The following ZBTB20 variants were observed in gnomAD, a reference collection of about 807,000 sequenced individuals.
ZBTB20 encodes the protein zinc finger and BTB domain containing 20, also known as zinc finger and BTB domain-containing protein 20.
Under a neutral mutation model 56.9 loss-of-function variants are expected in ZBTB20, and 9 were observed. That is an observed-to-expected ratio of 0.16 (90% CI 0.10 to 0.28). The LOEUF is 0.28. ZBTB20 is among the 10% of genes least tolerant of loss of function. The pLI, the probability that ZBTB20 is intolerant of heterozygous loss-of-function variation, is 1.00. For missense variants in ZBTB20, 655 were observed against 1,003.0 expected (o/e 0.65, Z 4.69); for synonymous variants, 417 against 420.7 (o/e 0.99, Z 0.11).
intron 7 of ZBTB20, among the ~76,000 whole-genome samples, chr3:114,497,060 T>A (rs1347402398): frequency 6.6e-6 from 1 of 152,150 alleles, no homozygotes; most frequent in Non-Finnish European, 1.5e-5. Flanking sequence ...CTCCACACAA[T>A]GTTTCAGCCT....
chr3:114,451,999 C>G (rs1368520550), intron 7 of ZBTB20, among the ~76,000 whole-genome samples: 2 of 151,944 alleles, frequency 1.3e-5, no homozygotes, highest in Non-Finnish European at 2.9e-5. Context: ...TCAGTAACAG[C>G]CTGTTATCCC....
At chr3:114,969,249 G>C (rs986071064) in intron 3 of ZBTB20, among the ~76,000 whole-genome samples, 1 of 152,156 alleles carries the variant, frequency 6.6e-6, no homozygotes, top group African/African-American at 2.4e-5. Flanking sequence ...GGGGTTGACA[G>C]AAGAAAGGAG....
At position 114,317,820 on chromosome 3, in the gene ZBTB20, T is replaced by A. The variant is rs1430105200; in HGVS notation, c.*21185A>T. On this transcript the variant is annotated 3_prime_UTR_variant, in exon 12 of 12. Coordinates refer to ENST00000675478, the MANE Select transcript of ZBTB20 (RefSeq NM_001348800.3). ...AAGTTTGTGTGTGTGTGTGCTCGCA[T>A]ACATGAAACGCGAGTCCAAGGGGCC... The A allele has an allele frequency of 6.6e-6, 1 of 152,122 alleles. No homozygotes were observed. The highest frequency in any genetic ancestry group is 2.4e-5 in the African/African-American group (1 of 41,410). The allele number at this position is 152,122 out of a possible 1,614,324, so 9.4% of individuals were successfully genotyped here. A position where few individuals can be genotyped will look rare whatever the true frequency, so the allele number is the denominator to read the frequency against.
intron 6 of ZBTB20, among the ~76,000 whole-genome samples, chr3:114,632,717 C>A (rs577780724): frequency 6.6e-6 from 1 of 152,080 alleles, no homozygotes; most frequent in Non-Finnish European, 1.5e-5. Context: ...TTAATAATAT[C>A]TTCAATCTAT....
chr3:114,979,433 T>C (rs1267590535), intron 2 of ZBTB20, among the ~76,000 whole-genome samples: 1 of 151,976 alleles, frequency 6.6e-6, no homozygotes, highest in Non-Finnish European at 1.5e-5. Context: ...ATATAAGAAA[T>C]TTTCAATCCA....
At chr3:114,764,788 A>G (rs573532654) in intron 5 of ZBTB20, among the ~76,000 whole-genome samples, 12 of 152,308 alleles carry the variant, frequency 7.9e-5, no homozygotes, top group African/African-American at 2.6e-4. Flanking sequence ...GCAATCTTAT[A>G]TTCATTTATA....
intron 1 of ZBTB20, among the ~76,000 whole-genome samples, chr3:115,119,424 T>C (rs545676794): frequency 6.6e-6 from 1 of 152,312 alleles, no homozygotes; most frequent in African/African-American, 2.4e-5. Flanking sequence ...GTTGCTAAAA[T>C]TTATCAGGCA....
chr3:114,510,085 C>T (rs1181862338), intron 6 of ZBTB20, among the ~76,000 whole-genome samples: 4 of 152,152 alleles, frequency 2.6e-5, no homozygotes, highest in Admixed American at 6.6e-5. Flanking sequence ...TTCACCCATA[C>T]TTTGGGGAAG....
chr3:114,435,918 G>A (rs2090482162), intron 7 of ZBTB20, among the ~76,000 whole-genome samples: 1 of 152,116 alleles, frequency 6.6e-6, no homozygotes, highest in Non-Finnish European at 1.5e-5. Context: ...ACTGACTAAT[G>A]TTACCAGCTG....
At position 114,339,124 on chromosome 3, in the gene ZBTB20, G is replaced by C. The variant is rs762270368; in HGVS notation, c.2107C>G (p.Pro703Ala). Residue 703 changes from proline (P) to alanine (A), a missense_variant, in exon 12 of 12, where the codon CCC becomes GCC. Transcript: ENST00000675478. This position sits in a 1 kb window ranked among gnomAD's most constrained non-coding sequence, Gnocchi z 4.2. ...TCCGTGCAGGCCACCACGCCTGGGG[G>C]GCCAGCGCGGGCACCTGGGGGTGTG... ...AGTPPGARAGPPGVVACTEGT... is the reference protein window; with the variant it reads ...AGTPPGARAGAPGVVACTEGT... 5 of 1,610,978 alleles carry C rather than the reference G, an allele frequency of 3.1e-6. No homozygotes were observed. The African/African-American group carries it at 6.7e-5, about 22-fold the overall frequency.
intron 7 of ZBTB20, among the ~76,000 whole-genome samples, chr3:114,389,444 A>T (rs1302921523): frequency 1.3e-5 from 2 of 151,562 alleles, no homozygotes; most frequent in African/African-American, 4.8e-5. Context: ...CAACCTTCCC[A>T]CAGTTGATTC....
chr3:114,592,582 A>G (rs1169889012), intron 6 of ZBTB20, among the ~76,000 whole-genome samples: 1 of 152,246 alleles, frequency 6.6e-6, no homozygotes, highest in East Asian at 1.9e-4. Flanking sequence ...GAACTCAAGT[A>G]TAATGGCAAT....
chr3:115,008,745 A>AT (rs1308189056), intron 2 of ZBTB20, among the ~76,000 whole-genome samples: 1 of 151,816 alleles, frequency 6.6e-6, no homozygotes, highest in Non-Finnish European at 1.5e-5. Flanking sequence ...AATGGCAAAC[A>AT]TTTTTTCTTG....
In ZBTB20 at chr3:114,333,444, A is replaced by G. The variant is rs2079336904; in HGVS notation, c.*5561T>C. 6.6e-6 allele frequency: 1 copy of G among 152,186 alleles called. No individual in the cohort carries two copies. The highest frequency in any genetic ancestry group is 1.5e-5 in the Non-Finnish European group (1 of 68,054). The allele number at this position is 152,186 out of a possible 1,614,324, so 9.4% of individuals were successfully genotyped here. A position where few individuals can be genotyped will look rare whatever the true frequency, so the allele number is the denominator to read the frequency against. The stretch of plus-strand genomic sequence containing the variant: ...AGCCGTTTTCTTCATGAAAACACAA[A>G]GAGGGGAAAGAGGCTGCTGCTGTTC... On this transcript the variant is annotated 3_prime_UTR_variant, in exon 12 of 12. Coordinates refer to ENST00000675478, the MANE Select transcript of ZBTB20 (RefSeq NM_001348800.3).
chr3:114,694,719 G>T (rs1380306941), intron 5 of ZBTB20, among the ~76,000 whole-genome samples: 1 of 152,012 alleles, frequency 6.6e-6, no homozygotes. Context: ...ATTTGCATAT[G>T]AAACTTAATG....
intron 6 of ZBTB20, among the ~76,000 whole-genome samples, chr3:114,677,195 T>G (rs2061679080): frequency 6.6e-6 from 1 of 152,200 alleles, no homozygotes; most frequent in South Asian, 2.1e-4. Flanking sequence ...TGCTAAAAAA[T>G]GAATTTAAGG....
At chr3:114,765,036 G>A (rs2068691068) in intron 5 of ZBTB20, among the ~76,000 whole-genome samples, 1 of 152,152 alleles carries the variant, frequency 6.6e-6, no homozygotes, top group South Asian at 2.1e-4. Flanking sequence ...AATGATATCT[G>A]TAAGAAATGA....
intron 3 of ZBTB20, among the ~76,000 whole-genome samples, chr3:114,933,020 G>A (rs2076410735): frequency 6.6e-6 from 1 of 152,112 alleles, no homozygotes; most frequent in Non-Finnish European, 1.5e-5. Flanking sequence ...ATGATGAGAA[G>A]CAATGGGGAG....
intron 10 of ZBTB20, among the ~76,000 whole-genome samples, chr3:114,365,835 G>T (rs2082340660): frequency 6.6e-6 from 1 of 152,146 alleles, no homozygotes; most frequent in South Asian, 2.1e-4. Flanking sequence ...AAAACATGTA[G>T]CAGCTTACAT....
Sources: gnomAD v4.1 joint callset for allele counts (sites outside exome capture counted in the v4.1 genomes callset) on GRCh38, gnomAD v4.1.1 for gene constraint, Gnocchi (gnomAD v3.1) non-coding constraint, MANE v1.5 for transcripts, NCBI Gene and HGNC (gene_info 2026-07-23, HGNC 2026-07-21) for gene names.